STON2: variants seen among roughly 807,000 people sequenced by gnomAD.
STON2 encodes stonin 2, also known as stonin-2.
A neutral mutation model predicts 65.7 loss-of-function variants in STON2; 29 were observed. The observed-to-expected ratio is 0.44, with a 90% CI of 0.33 to 0.60. The LOEUF (loss-of-function observed/expected upper bound fraction) is 0.60, where lower values mean the gene tolerates loss of function less well. Ranked by LOEUF, STON2 falls within the 20% of genes least tolerant of loss-of-function variation. The pLI, the probability that STON2 is intolerant of heterozygous loss-of-function variation, is 0.03. For missense variants in STON2, 1,054 were observed against 1,118.1 expected (o/e 0.94, Z 0.82); for synonymous variants, 404 against 414.2 (o/e 0.98, Z 0.30).
In STON2 at chr14:81,265,608, G is replaced by T; in HGVS notation, c.*2806C>A. 1 of 426,368 alleles carries T rather than the reference G, an allele frequency of 2.3e-6. No homozygotes were observed. The highest frequency in any genetic ancestry group is 3.1e-6 in the Non-Finnish European group (1 of 319,602). 26.4% of individuals were successfully genotyped at this position (426,368 alleles called of 1,614,324 possible). A position where few individuals can be genotyped will look rare whatever the true frequency, so the allele number is the denominator to read the frequency against. On this transcript the variant is annotated 3_prime_UTR_variant, in exon 8 of 8. Transcript: ENST00000614646. ...TGCAATGAGCCGAGATCACGCCATT[G>T]CACTCCAGCCTGGGCGACAAGAGCG...
Position 81,275,982 on chromosome 14 carries a change from G to A in STON2, c.2581+919C>T, listed in dbSNP as rs184621158. On this transcript the variant is annotated intron_variant, in intron 6 of 7. Transcript: ENST00000614646. The stretch of plus-strand genomic sequence containing the variant: ...ACCTTATCCTTTTTGCTCAGCTAGC[G>A]TATCCACTTTCGTTAACAGATGGGC... Among the ~76,000 whole-genome samples the A allele has an allele frequency of 1.8e-3, 269 of 152,292 alleles. 3 individuals carry two copies. Among genetic ancestry groups the A allele is most frequent in the African/African-American group, 6.0e-3 (251 of 41,562 alleles).
chr14:81,365,416 C>T (rs2140350881), intron 4 of STON2, among the ~76,000 whole-genome samples: 1 of 152,044 alleles, frequency 6.6e-6, no homozygotes, highest in Non-Finnish European at 1.5e-5. Context: ...TTACATATAT[C>T]TGAGCATTCT....
intron 6 of STON2, among the ~76,000 whole-genome samples, chr14:81,271,556 G>A (rs1318982220): frequency 6.6e-6 from 1 of 150,822 alleles, no homozygotes; most frequent in Non-Finnish European, 1.5e-5. Flanking sequence ...GGAGATTAGG[G>A]TACAAGGGAT....
At chr14:81,327,989 T>TC (rs561400793) in intron 4 of STON2, among the ~76,000 whole-genome samples, 178 of 152,338 alleles carry the variant, frequency 1.2e-3, no homozygotes, top group African/African-American at 3.7e-3. Context: ...CTCAGTTTTT[T>TC]CATCTATAAC....
chr14:81,318,199 A>C (rs2140234409), intron 5 of STON2, among the ~76,000 whole-genome samples: 1 of 152,200 alleles, frequency 6.6e-6, no homozygotes, highest in African/African-American at 2.4e-5. Context: ...CCTGACCTCA[A>C]GTGATCTGCC....
At chr14:81,398,758 T>C (rs1900458788) in intron 1 of STON2, among the ~76,000 whole-genome samples, 178 bp from the exon 2 acceptor site, 1 of 152,222 alleles carries the variant, frequency 6.6e-6, no homozygotes. Context: ...TGTCTGTCTT[T>C]AGCATCAAGG....
intron 2 of STON2, among the ~76,000 whole-genome samples, chr14:81,421,004 G>T (rs1455180993): frequency 6.6e-6 from 1 of 152,190 alleles, no homozygotes; most frequent in Admixed American, 6.5e-5. Context: ...AAGGCATGAT[G>T]TGAAGGGAGG....
chr14:81,374,898 AG>A (rs1196330598), intron 3 of STON2, among the ~76,000 whole-genome samples: 4 of 152,174 alleles, frequency 2.6e-5, no homozygotes, highest in Non-Finnish European at 4.4e-5. Context: ...TATCTCAAGC[AG>A]GGTAACTAAA....
intron 3 of STON2, among the ~76,000 whole-genome samples, chr14:81,376,801 C>A (rs768912173): frequency 1.3e-5 from 2 of 152,136 alleles, no homozygotes; most frequent in Non-Finnish European, 2.9e-5. Flanking sequence ...TATATAATGA[C>A]TAAATTGAGT....
At chr14:81,328,555 G>A (rs1470499256) in intron 4 of STON2, among the ~76,000 whole-genome samples, 3 of 152,198 alleles carry the variant, frequency 2.0e-5, no homozygotes, top group African/African-American at 7.2e-5. Flanking sequence ...GGCTCACTCA[G>A]TGTACTGAGT....
At chr14:81,286,279 T>C (rs1895329917) in intron 5 of STON2, among the ~76,000 whole-genome samples, 1 of 152,198 alleles carries the variant, frequency 6.6e-6, no homozygotes, top group African/African-American at 2.4e-5. Context: ...CTACAGTGTG[T>C]TAAATGTTAT....
chr14:81,387,468 AAGGGTTT>A (rs2140413871), intron 3 of STON2, among the ~76,000 whole-genome samples: 1 of 152,278 alleles, frequency 6.6e-6, no homozygotes, highest in African/African-American at 2.4e-5. Context: ...CTCAAATTTC[AAGGGTTT>A]TAATGTTGAA....
Position 81,298,227 on chromosome 14 carries a change from G to A in STON2, c.743-19488C>T, listed in dbSNP as rs192766197. On this transcript the variant is annotated intron_variant, in intron 5 of 7. Transcript: ENST00000614646. ...GATGCGGGTGCCCTTCCAGGAAGGAGAAATGAGCTATCAAGAAATTGTGAA... is the reference window on the plus strand; with the variant it reads ...GATGCGGGTGCCCTTCCAGGAAGGAAAAATGAGCTATCAAGAAATTGTGAA... Among the ~76,000 whole-genome samples the A allele has an allele frequency of 2.8e-4, 43 of 152,262 alleles. No homozygotes were observed. In the Middle Eastern group the frequency reaches 0.01, roughly 36 times the overall value.
intron 5 of STON2, among the ~76,000 whole-genome samples, chr14:81,292,357 A>T (rs1419654601): frequency 2.0e-5 from 3 of 152,170 alleles, no homozygotes; most frequent in Non-Finnish European, 4.4e-5. Flanking sequence ...GGTCAGTGAG[A>T]TCTTGACCCA....
intron 4 of STON2, among the ~76,000 whole-genome samples, chr14:81,367,995 A>T (rs1387363042): frequency 6.6e-6 from 1 of 152,192 alleles, no homozygotes; most frequent in Non-Finnish European, 1.5e-5. Flanking sequence ...GTAAGCATTC[A>T]TATCTGTCAA....
At chr14:81,415,262 A>G (rs1416999603) in intron 2 of STON2, among the ~76,000 whole-genome samples, 1 of 152,054 alleles carries the variant, frequency 6.6e-6, no homozygotes, top group Non-Finnish European at 1.5e-5. Flanking sequence ...ACTATTATTA[A>G]TAACACCAGC....
chr14:81,392,881 G>A (rs990055810), intron 3 of STON2, among the ~76,000 whole-genome samples: 1 of 152,110 alleles, frequency 6.6e-6, no homozygotes, highest in Non-Finnish European at 1.5e-5. Context: ...TTTACTGTGA[G>A]TAGACAATGG....
At chr14:81,276,857 C>T (rs1354705837) in intron 6 of STON2, 44 bp downstream of exon 6, 1 of 1,563,754 alleles carries the variant, frequency 6.4e-7, no homozygotes. Flanking sequence ...TCAGCTTTTT[C>T]ACAACTGTAT....
intron 5 of STON2, among the ~76,000 whole-genome samples, chr14:81,294,113 A>C (rs1022303871): frequency 6.6e-6 from 1 of 152,194 alleles, no homozygotes; most frequent in Non-Finnish European, 1.5e-5. Context: ...AGATAGATGA[A>C]AAGATCCTTG....
Sources: gnomAD v4.1 joint callset for allele counts (sites outside exome capture counted in the v4.1 genomes callset) on GRCh38, gnomAD v4.1.1 for gene constraint, MANE v1.5 for transcripts, NCBI Gene and HGNC (gene_info 2026-07-23, HGNC 2026-07-21) for gene names.